CEBPZ: variants seen among roughly 807,000 people sequenced by gnomAD.
CEBPZ encodes CCAAT enhancer binding protein zeta.
Under a neutral mutation model 104.5 loss-of-function variants are expected in CEBPZ, and 78 were observed. That is an observed-to-expected ratio of 0.75 (90% CI 0.62 to 0.90). The LOEUF is 0.90. CEBPZ is among the 40% of genes least tolerant of loss of function. CEBPZ has a pLI of 0.00. For missense variants in CEBPZ, 1,439 were observed against 1,233.5 expected (o/e 1.17, Z -2.50); for synonymous variants, 470 against 427.0 (o/e 1.10, Z -1.24).
Position 37,223,250 on chromosome 2 carries a change from A to T in CEBPZ, c.1801T>A (p.Phe601Ile), listed in dbSNP as rs144800928. Residue 601 changes from phenylalanine (F) to isoleucine (I), a missense_variant, in exon 3 of 16, where the codon TTT (phenylalanine) becomes ATT (isoleucine). Phe to Ile is a conservative substitution (Grantham distance 21). Coordinates refer to ENST00000234170, the MANE Select transcript of CEBPZ (RefSeq NM_005760.3). ...LQVTCQQMPP[F>I]ICGALYLVSE... Reference sequence around the variant, plus strand: ...ACAAGATATAAAGCTCCACATATAAATGGTGGCATCTGTTGACAAGTAACT... The same window carrying T: ...ACAAGATATAAAGCTCCACATATAATTGGTGGCATCTGTTGACAAGTAACT... 2.7e-3 allele frequency: 4,330 copies of T among 1,614,150 alleles called. 11 individuals carry two copies. The highest frequency in any genetic ancestry group is 3.4e-3 in the Non-Finnish European group (3,956 of 1,179,988).
chr2:37,207,237 C>T (rs10198835), intron 13 of CEBPZ, among the ~76,000 whole-genome samples: 22,475 of 152,164 alleles, frequency 0.15, 1,787 homozygotes, highest in South Asian at 0.26. Flanking sequence ...CAGCCCTAGA[C>T]GGGTCATCAA....
At chr2:37,219,551 A>C (rs1664714740) in intron 5 of CEBPZ, among the ~76,000 whole-genome samples, 1 of 152,166 alleles carries the variant, frequency 6.6e-6, no homozygotes, top group Admixed American at 6.6e-5. Context: ...ACAGTGATGA[A>C]AACAAATAAT....
At position 37,227,846 on chromosome 2, in the gene CEBPZ, A is replaced by G. The variant is rs1664928211; in HGVS notation, c.1347T>C (p.Ala449=). ...YYAICFLNQM[A]LSHEESELAN... The stretch of plus-strand genomic sequence containing the variant: ...CCAATTCACTTTCTTCATGGGACAG[A>G]GCCATTTGATTTAAAAAGCAAATTG... Residue 449 remains alanine (A), a synonymous_variant, in exon 2 of 16, where the codon GCT becomes GCC. Transcript: ENST00000234170. 6.2e-7 allele frequency: 1 copy of G among 1,614,034 alleles called. No homozygotes were observed. The highest frequency in any genetic ancestry group is 8.5e-7 in the Non-Finnish European group (1 of 1,180,056).
At chr2:37,206,952 G>C (rs932851882) in intron 13 of CEBPZ, among the ~76,000 whole-genome samples, 8 of 152,060 alleles carry the variant, frequency 5.3e-5, no homozygotes, top group Non-Finnish European at 1.2e-4. Flanking sequence ...GTAAAGGGGT[G>C]GGAAAAGATA....
At position 37,205,928 on chromosome 2, in the gene CEBPZ, G is replaced by C. The variant is rs2148338909; in HGVS notation, c.2885-2920C>G. On this transcript the variant is annotated intron_variant, in intron 13 of 15. Coordinates refer to ENST00000234170, the MANE Select transcript of CEBPZ (RefSeq NM_005760.3). ...TAAAGGAGCATGGATTATTGCAAGGGTCAAATGGCAAATAATGGTTGAGAA... is the reference window on the plus strand; with the variant it reads ...TAAAGGAGCATGGATTATTGCAAGGCTCAAATGGCAAATAATGGTTGAGAA... 2.0e-5 allele frequency among the ~76,000 whole-genome samples: 3 copies of C among 152,308 alleles called. No individual in the cohort carries two copies. In the Middle Eastern group the frequency reaches 0.01, roughly 518 times the overall value.
chr2:37,221,676 C>A (rs529389220), intron 4 of CEBPZ, among the ~76,000 whole-genome samples: 20 of 152,354 alleles, frequency 1.3e-4, no homozygotes, highest in African/African-American at 4.8e-4. Context: ...TTCAGGGGAA[C>A]TGATGGATTC....
chr2:37,212,133 CAGAA>C (rs542092131), intron 11 of CEBPZ, 94 bp from the exon 12 acceptor site: 2 of 1,164,422 alleles, frequency 1.7e-6, no homozygotes, highest in Non-Finnish European at 2.4e-6. Flanking sequence ...TTAAATGACT[CAGAA>C]GGAGAAAGCT....
Position 37,202,796 on chromosome 2 carries a change from T to C in CEBPZ, c.3013A>G (p.Lys1005Glu), listed in dbSNP as rs757074596. 6 of 1,580,558 alleles carry C rather than the reference T, an allele frequency of 3.8e-6. No individual in the cohort carries two copies. The highest frequency in any genetic ancestry group is 2.3e-5 in the East Asian group (1 of 43,604). ...TTAAGTTACTTACTTGCATTATCTTTGTTAGCCATGGCATTCATGCCAATG... is the reference window on the plus strand; with the variant it reads ...TTAAGTTACTTACTTGCATTATCTTCGTTAGCCATGGCATTCATGCCAATG... ...DNIGMNAMAN[K>E]DNASLKQLRW... The change falls in exon 15 of 16, where the codon AAA (lysine) becomes GAA (glutamate). Residue 1005 changes from lysine to glutamate, a missense_variant. By Grantham distance (56) the Lys-to-Glu change is moderately conservative. Transcript: ENST00000234170.
intron 5 of CEBPZ, among the ~76,000 whole-genome samples, chr2:37,218,213 G>A (rs1664683499): frequency 6.6e-6 from 1 of 151,832 alleles, no homozygotes; most frequent in Admixed American, 6.6e-5. Context: ...CTTGCAGTGA[G>A]CTGAGATCGC....
intron 13 of CEBPZ, among the ~76,000 whole-genome samples, chr2:37,207,799 A>C (rs540185942): frequency 6.6e-6 from 1 of 152,204 alleles, no homozygotes; most frequent in Non-Finnish European, 1.5e-5. Flanking sequence ...GAAATAACAA[A>C]TATCAGAGCA....
intron 12 of CEBPZ, 179 bp downstream of exon 12, chr2:37,211,664 A>G (rs1282203921): frequency 1.9e-6 from 1 of 532,248 alleles, no homozygotes; most frequent in Non-Finnish European, 3.2e-6. Flanking sequence ...AACACACATA[A>G]CACACAATAA....
Position 37,229,023 on chromosome 2 carries a change from A to G in CEBPZ, c.170T>C (p.Met57Thr). Residue 57 changes from methionine (M) to threonine (T), a missense_variant, in exon 2 of 16, where the codon ATG becomes ACG. By Grantham distance (81) the Met-to-Thr change is moderately conservative. Transcript: ENST00000234170. ...CTCATTCTCATCCAAAGTAGCCAGC[A>G]TAAGGTAATCTTGCTGCATTAAAAA... ...RLGGTKQDYLMLATLDENEEV... is the reference protein window; with the variant it reads ...RLGGTKQDYLTLATLDENEEV... The G allele has an allele frequency of 6.5e-7, 1 of 1,546,246 alleles. No homozygotes were observed. Among genetic ancestry groups the G allele is most frequent in the Admixed American group, 2.2e-5 (1 of 45,056 alleles).
intron 2 of CEBPZ, among the ~76,000 whole-genome samples, chr2:37,225,440 T>C (rs540808319): frequency 4.0e-5 from 6 of 150,342 alleles, no homozygotes; most frequent in African/African-American, 1.5e-4. Flanking sequence ...TGTTAATCTA[T>C]AACCTTACCC....
chr2:37,217,541 A>G (rs954650520), intron 5 of CEBPZ, among the ~76,000 whole-genome samples: 3 of 152,238 alleles, frequency 2.0e-5, no homozygotes, highest in African/African-American at 7.2e-5. Context: ...CAACAGGTTT[A>G]TATCTACAGA....
chr2:37,206,546 T>C (rs974333582), intron 13 of CEBPZ, among the ~76,000 whole-genome samples: 15 of 152,206 alleles, frequency 9.9e-5, no homozygotes, highest in African/African-American at 2.9e-4. Flanking sequence ...TTTGTAGAGA[T>C]AGGGTTTTGC....
At chr2:37,212,438 C>G (rs750813749) in intron 10 of CEBPZ, 46 bp from the exon 11 acceptor site, 9 of 1,468,094 alleles carry the variant, frequency 6.1e-6, no homozygotes, top group Non-Finnish European at 8.6e-6. Context: ...GAATGACAAG[C>G]TTGACATATA....
At chr2:37,217,630 C>T (rs12993090) in intron 5 of CEBPZ, among the ~76,000 whole-genome samples, 54,134 of 151,478 alleles carry the variant, frequency 0.36, 10,001 homozygotes, top group Non-Finnish European at 0.39. Flanking sequence ...CGGCCAGGCG[C>T]GGTGGCTCAT....
At chr2:37,224,847 G>A (rs1310294795) in intron 2 of CEBPZ, among the ~76,000 whole-genome samples, 2 of 152,150 alleles carry the variant, frequency 1.3e-5, no homozygotes, top group Non-Finnish European at 2.9e-5. Context: ...GGCCTGTTAA[G>A]AAACTCCATC....
rs1677867135 is a variant in CEBPZ, at chr2:37,216,372, A to C, written c.2255T>G (p.Leu752Arg). ...YSGDPLQDFT[L>R]MRFLDRFVYR... is the part of the protein sequence containing the mutation. ...TACAAATCGATCCAAAAATCTCATT[A>C]GAGTGAAATCCTGCAGTGGGTCCCC... The change falls in exon 7 of 16, where the codon CTA becomes CGA. Residue 752 changes from leucine (L) to arginine (R), a missense_variant. Leu to Arg is a moderately radical substitution (Grantham distance 102, BLOSUM62 -2). Transcript: ENST00000234170. The C allele has an allele frequency of 6.2e-7, 1 of 1,613,832 alleles. No individual in the cohort carries two copies.
Sources: gnomAD v4.1 joint callset for allele counts (sites outside exome capture counted in the v4.1 genomes callset) on GRCh38, gnomAD v4.1.1 for gene constraint, MANE v1.5 for transcripts, NCBI Gene and HGNC (gene_info 2026-07-23, HGNC 2026-07-21) for gene names.